KAZN: variants seen among roughly 807,000 people sequenced by gnomAD.
KAZN encodes the protein kazrin, periplakin interacting protein.
KAZN carries 40 observed loss-of-function variants against 87.4 expected under a neutral mutation model. That is an observed-to-expected ratio of 0.46 (90% CI 0.36 to 0.60). The LOEUF (loss-of-function observed/expected upper bound fraction) is 0.60, where lower values mean the gene tolerates loss of function less well. KAZN is among the 20% of genes least tolerant of loss of function. The pLI is 0.00. For missense variants in KAZN, 898 were observed against 1,073.9 expected (o/e 0.84, Z 2.29); for synonymous variants, 466 against 458.3 (o/e 1.02, Z -0.22).
chr1:14,687,927 G>C (rs10927501), intron 1 of KAZN, among the ~76,000 whole-genome samples: 3 of 152,164 alleles, frequency 2.0e-5, no homozygotes, highest in Admixed American at 6.5e-5. Flanking sequence ...CCAGCAACTT[G>C]TGCTGTGGCT....
At chr1:14,010,782 G>A (rs143975896) in intron 1 of KAZN, among the ~76,000 whole-genome samples, 20 of 152,312 alleles carry the variant, frequency 1.3e-4, no homozygotes, top group Admixed American at 2.0e-4. Flanking sequence ...AGTGACATAA[G>A]AGAAAGCCTG....
chr1:14,552,077 G>C (rs1673563532), intron 2 of KAZN, among the ~76,000 whole-genome samples: 1 of 152,008 alleles, frequency 6.6e-6, no homozygotes, highest in South Asian at 2.1e-4. Flanking sequence ...TCAAAGCTGA[G>C]ATCTTAATTC....
In KAZN at chr1:14,189,006, G is replaced by C. The variant is rs376211885; in HGVS notation, c.249+8414G>C. On this transcript the variant is annotated intron_variant, in intron 2 of 16. Transcript: ENST00000636203. ...ATATTAAACTCAAACAGTCCCATAA[G>C]AGTAGCCAGGTAAATTGAGGCATGG... Among the ~76,000 whole-genome samples the C allele has an allele frequency of 4.7e-4, 72 of 152,218 alleles. No individual in the cohort carries two copies. The South Asian group carries it at 0.011, about 23-fold the overall frequency.
chr1:13,995,612 C>T (rs938173690), intron 1 of KAZN, among the ~76,000 whole-genome samples: 65 of 152,270 alleles, frequency 4.3e-4, no homozygotes, highest in African/African-American at 1.6e-3. Context: ...AATTGATTTA[C>T]AGATTTGACA....
chr1:14,051,850 C>G (rs759217868), intron 1 of KAZN, among the ~76,000 whole-genome samples: 6 of 152,030 alleles, frequency 3.9e-5, no homozygotes, highest in Non-Finnish European at 8.8e-5. Flanking sequence ...AAAAAACCAA[C>G]CAACCAACCA....
intron 1 of KAZN, among the ~76,000 whole-genome samples, chr1:14,740,159 A>C (rs1404991025): frequency 6.6e-6 from 1 of 152,240 alleles, no homozygotes; most frequent in East Asian, 1.9e-4. Flanking sequence ...TAGGAGGCAA[A>C]TTGGTCCCTC....
intron 10 of KAZN, among the ~76,000 whole-genome samples, chr1:15,097,568 CAGCACTTTGGG>C (rs1048080232): frequency 9.9e-5 from 15 of 152,182 alleles, no homozygotes; most frequent in African/African-American, 3.4e-4. Flanking sequence ...CCTGTAATCA[CAGCACTTTGGG>C]AGGCCAAGGC....
chr1:13,996,642 G>A (rs1296358046), intron 1 of KAZN, among the ~76,000 whole-genome samples: 2 of 152,134 alleles, frequency 1.3e-5, no homozygotes, highest in Non-Finnish European at 2.9e-5. Flanking sequence ...CACTGGGTGG[G>A]GCTTCCTTGT....
chr1:14,328,342 C>T (rs990704459), intron 2 of KAZN, among the ~76,000 whole-genome samples: 8 of 152,182 alleles, frequency 5.3e-5, no homozygotes, highest in African/African-American at 1.9e-4. Context: ...CAATTCCCCT[C>T]CCCTTCCAAA....
rs764047319 is a variant in KAZN, at chr1:14,187,154, C to T, written c.249+6562C>T. 2.5e-4 allele frequency among the ~76,000 whole-genome samples: 38 copies of T among 152,028 alleles called. 1 individual carries two copies. The highest frequency in any genetic ancestry group is 1.5e-3 in the South Asian group (7 of 4,800). ...TTTTACATTGTTCCATCCAGCCCGT[C>T]GCAAAGAAGGAGTAATTGATTTCCT... On this transcript the variant is annotated intron_variant, in intron 2 of 16. Coordinates refer to the KAZN transcript ENST00000636203.
chr1:14,930,185 C>A, intron 1 of KAZN: 2 of 587,940 alleles, frequency 3.4e-6, no homozygotes, highest in Non-Finnish European at 4.3e-6. Context: ...GGGAAACACC[C>A]TCCACCTGGC....
intron 1 of KAZN, among the ~76,000 whole-genome samples, chr1:14,667,529 C>T (rs867747148): frequency 1.3e-5 from 2 of 152,274 alleles, no homozygotes; most frequent in African/African-American, 4.8e-5. Flanking sequence ...AATTAATCCA[C>T]GACACAGGAA....
intron 1 of KAZN, among the ~76,000 whole-genome samples, chr1:14,108,132 G>A (rs1644419748): frequency 6.6e-6 from 1 of 152,040 alleles, no homozygotes; most frequent in Non-Finnish European, 1.5e-5. Context: ...AGGTCACTGA[G>A]GATGCTTTTT....
chr1:14,517,364 TGAGA>T lies in KAZN; in HGVS notation c.250-81613_250-81610del, dbSNP rs1383176257. 3.3e-5 allele frequency among the ~76,000 whole-genome samples: 5 copies of T among 151,856 alleles called. No individual in the cohort carries two copies. In the East Asian group the frequency reaches 7.8e-4, roughly 24 times the overall value. ...AGAGAAAAGGAGGGCAGAAAAATCA[TGAGA>T]GAGAGCAGGGAATGACATCAGAGCC... On this transcript the variant is annotated intron_variant, in intron 2 of 16. Coordinates refer to the KAZN transcript ENST00000636203.
chr1:14,467,816 G>T (rs953130453), intron 2 of KAZN, among the ~76,000 whole-genome samples: 2 of 151,942 alleles, frequency 1.3e-5, no homozygotes, highest in Non-Finnish European at 2.9e-5. Context: ...AGCCTCTCAT[G>T]ATGGCCCCCA....
chr1:15,005,332 C>T (rs1668892180), intron 2 of KAZN, among the ~76,000 whole-genome samples: 1 of 152,220 alleles, frequency 6.6e-6, no homozygotes, highest in South Asian at 2.1e-4. Context: ...AAGGCAGTCA[C>T]CGGGCAGGTG....
chr1:14,984,192 T>C (rs976962043), intron 2 of KAZN, among the ~76,000 whole-genome samples: 1 of 151,982 alleles, frequency 6.6e-6, no homozygotes, highest in Non-Finnish European at 1.5e-5. Flanking sequence ...ACTCCATCTC[T>C]ACTAAAAATA....
intron 3 of KAZN, among the ~76,000 whole-genome samples, chr1:15,038,116 G>T (rs1441982103): frequency 6.6e-6 from 1 of 152,094 alleles, no homozygotes. Context: ...TAGTGGGGCA[G>T]GGTGGCACAC....
intron 2 of KAZN, among the ~76,000 whole-genome samples, chr1:14,255,619 C>A (rs1039118689): frequency 2.6e-5 from 4 of 152,186 alleles, no homozygotes; most frequent in African/African-American, 9.7e-5. Flanking sequence ...TAGTTTTATA[C>A]AACTGACATC....
Sources: allele counts gnomAD v4.1 joint callset (sites outside exome capture counted in the v4.1 genomes callset), GRCh38; gene constraint gnomAD v4.1.1; transcripts MANE v1.5; gene names NCBI Gene and HGNC (gene_info 2026-07-23, HGNC 2026-07-21).